The following LGALS9 variants were observed in gnomAD, a reference collection of about 807,000 sequenced individuals.
LGALS9 encodes galectin-9.
A neutral mutation model predicts 35.9 loss-of-function variants in LGALS9; 26 were observed. The observed-to-expected ratio is 0.72, with a 90% CI of 0.53 to 1.01. The LOEUF is 1.01. Among genes scored for constraint, LGALS9 ranks in the 50% least tolerant of loss-of-function variants. LGALS9 has a pLI of 0.00. For synonymous variants in LGALS9, 149 were observed against 172.2 expected, an observed-to-expected ratio of 0.87 and a Z score of 1.06; for missense variants, 347 against 445.8, an observed-to-expected ratio of 0.78 and a Z score of 1.99.
intron 2 of LGALS9, chr17:27,640,274 CA>C (rs1204107314): frequency 2.9e-5 from 13 of 451,796 alleles, no homozygotes; most frequent in African/African-American, 8.0e-5. Flanking sequence ...TCTTCGGTAT[CA>C]ATTGGTAATC....
At position 27,645,901 on chromosome 17, in the gene LGALS9, A is replaced by G. The variant is rs777419347; in HGVS notation, c.617A>G (p.Gln206Arg). Residue 206 changes from glutamine (Q) to arginine (R), a missense_variant, in exon 7 of 11, where the codon CAG becomes CGG. Physicochemically the swap from Gln to Arg is conservative, Grantham distance 43 (BLOSUM62 1). Coordinates refer to ENST00000395473, the MANE Select transcript of LGALS9 (RefSeq NM_009587.3). ...CACACAGTGCAGAGCGCCCCTGGAC[A>G]GATGTTCTCTGTAAGTCTACAAGTT... Reference protein sequence around the residue: ...VIHTVQSAPGQMFSTPAIPPM... With the variant: ...VIHTVQSAPGRMFSTPAIPPM... 6 of 1,595,434 alleles carry G rather than the reference A, an allele frequency of 3.8e-6. No individual in the cohort carries two copies. The highest frequency in any genetic ancestry group is 5.1e-6 in the Non-Finnish European group (6 of 1,167,344).
rs143800774 is a variant in LGALS9 at position 27,647,361 on chromosome 17, G to C, written c.850G>C (p.Asp284His). 6.2e-7 allele frequency: 1 copy of C among 1,614,170 alleles called. No homozygotes were observed. Among genetic ancestry groups the C allele is most frequent in the South Asian group, 1.1e-5 (1 of 91,082 alleles). Residue 284 changes from aspartate to histidine, a missense_variant, in exon 10 of 11, where the codon GAC becomes CAC. Transcript: ENST00000395473. Reference protein sequence around the residue: ...ENAVVRNTQIDNSWGSEERSL... With the variant: ...ENAVVRNTQIHNSWGSEERSL... The stretch of plus-strand genomic sequence containing the variant: ...TGCTGTGGTCCGCAACACCCAGATC[G>C]ACAACTCCTGGGGGTCTGAGGAGCG...
intron 4 of LGALS9, among the ~76,000 whole-genome samples, chr17:27,643,064 AAAAT>A (rs1904640791): frequency 1.3e-5 from 2 of 152,228 alleles, no homozygotes; most frequent in African/African-American, 2.4e-5. Flanking sequence ...ATAATAAAAT[AAAAT>A]AAATAAAACT....
intron 10 of LGALS9, among the ~76,000 whole-genome samples, chr17:27,648,602 A>T (rs559518855): frequency 6.6e-6 from 1 of 152,310 alleles, no homozygotes; most frequent in African/African-American, 2.4e-5. Flanking sequence ...GGCACAGGCC[A>T]GTGCTCCTGT....
chr17:27,647,597 C>T (rs1397406499), intron 10 of LGALS9, among the ~76,000 whole-genome samples, 165 bp downstream of exon 10: 2 of 149,810 alleles, frequency 1.3e-5, no homozygotes, highest in East Asian at 1.9e-4. Context: ...ATTACTGTCC[C>T]GCATGAAGGA....
At position 27,647,336 on chromosome 17, in the gene LGALS9, T is replaced by C. The variant is rs541663410; in HGVS notation, c.825T>C (p.Asn275=). Residue 275 remains asparagine (N), a synonymous_variant, in exon 10 of 11, where the codon AAT becomes AAC. Transcript: ENST00000395473. ...ACCTGAACCCCCGTTTTGATGAGAA[T>C]GCTGTGGTCCGCAACACCCAGATCG... ...AFHLNPRFDE[N]AVVRNTQIDN... is the part of the protein sequence containing the mutation. 25 of 1,614,160 alleles carry C rather than the reference T, an allele frequency of 1.5e-5. No homozygotes were observed. The African/African-American group carries it at 2.0e-4, about 13-fold the overall frequency.
chr17:27,636,678 G>C (rs1339553511), intron 1 of LGALS9, among the ~76,000 whole-genome samples: 1 of 151,872 alleles, frequency 6.6e-6, no homozygotes, highest in Non-Finnish European at 1.5e-5. Flanking sequence ...CCATTACGTT[G>C]TTCAGGCTGG....
chr17:27,642,522 C>G, intron 4 of LGALS9, 174 bp downstream of exon 4: 4 of 1,160,374 alleles, frequency 3.4e-6, no homozygotes, highest in Non-Finnish European at 4.8e-6. Context: ...TCACTCTGCC[C>G]CTCCTTCTGT....
At chr17:27,646,431 A>G (rs1904947016) in intron 7 of LGALS9, 116 bp from the exon 8 acceptor site, 2 of 1,523,222 alleles carry the variant, frequency 1.3e-6, no homozygotes, top group Admixed American at 1.7e-5. Flanking sequence ...CAAGGGCCAA[A>G]GGCTCACGAG....
intron 1 of LGALS9, among the ~76,000 whole-genome samples, chr17:27,636,025 C>T (rs1012301787): frequency 6.6e-6 from 1 of 152,142 alleles, no homozygotes; most frequent in African/African-American, 2.4e-5. Flanking sequence ...CAGACCTGAC[C>T]TGAGGGGCAA....
At chr17:27,646,261 C>T (rs1904932750) in intron 7 of LGALS9, among the ~76,000 whole-genome samples, 1 of 152,064 alleles carries the variant, frequency 6.6e-6, no homozygotes. Flanking sequence ...TGATCACAGG[C>T]TTAAGCTCTT....
intron 7 of LGALS9, 55 bp downstream of exon 7, chr17:27,645,966 A>T: frequency 6.2e-7 from 1 of 1,612,706 alleles, no homozygotes; most frequent in Non-Finnish European, 8.5e-7. Context: ...CCTTCACCAA[A>T]AACTAAACTC....
Position 27,644,621 on chromosome 17 carries a change from G to A in LGALS9, c.541-693G>A, listed in dbSNP as rs1421213705. 5 of 152,608 alleles carry A rather than the reference G, an allele frequency of 3.3e-5. No homozygotes were observed. In the East Asian group the frequency reaches 7.7e-4, roughly 24 times the overall value. The allele number at this position is 152,608 out of a possible 1,614,324, so 9.5% of individuals were successfully genotyped here. On this transcript the variant is annotated intron_variant, in intron 5 of 10. Coordinates refer to ENST00000395473, the MANE Select transcript of LGALS9 (RefSeq NM_009587.3). ...CAAGTAGTGGGGACTGGGAGGAGGG[G>A]CGCTTTGTCTACGCAGTCTTCTTAT...
chr17:27,631,427 C>T, intron 1 of LGALS9, 123 bp downstream of exon 1: 1 of 1,317,774 alleles, frequency 7.6e-7, no homozygotes, highest in Non-Finnish European at 1.1e-6. Context: ...AGAACACAAG[C>T]AGGGCAGAAA....
chr17:27,636,906 T>C (rs2074458347), intron 1 of LGALS9, among the ~76,000 whole-genome samples: 1 of 152,190 alleles, frequency 6.6e-6, no homozygotes. Flanking sequence ...CAGATGGCAA[T>C]CACTGCTTAG....
At position 27,649,162 on chromosome 17, in the gene LGALS9, T is replaced by A; in HGVS notation, c.*180T>A. 1 of 959,148 alleles carries A rather than the reference T, an allele frequency of 1.0e-6. No homozygotes were observed. The highest frequency in any genetic ancestry group is 1.5e-6 in the Non-Finnish European group (1 of 648,130). The allele number at this position is 959,148 out of a possible 1,614,324, so 59.4% of individuals were successfully genotyped here. ...GCCACCCTGGAACGGAGAAGGCAGC[T>A]GACGGGGATTGCCTTCCTCAGCCGC... On this transcript the variant is annotated 3_prime_UTR_variant, in exon 11 of 11. Transcript: ENST00000395473.
intron 10 of LGALS9, among the ~76,000 whole-genome samples, chr17:27,647,896 G>C (rs908743571): frequency 6.6e-6 from 1 of 152,258 alleles, no homozygotes; most frequent in African/African-American, 2.4e-5. Flanking sequence ...CACAGATAAC[G>C]ACAGTGCCAC....
chr17:27,649,155 A>C lies in LGALS9; in HGVS notation c.*173A>C, dbSNP rs1206234099. On this transcript the variant is annotated 3_prime_UTR_variant, in exon 11 of 11. Coordinates refer to ENST00000395473, the MANE Select transcript of LGALS9 (RefSeq NM_009587.3). ...GGCTACAGCCACCCTGGAACGGAGA[A>C]GGCAGCTGACGGGGATTGCCTTCCT... 2 of 1,060,306 alleles carry C rather than the reference A, an allele frequency of 1.9e-6. No individual in the cohort carries two copies. The highest frequency in any genetic ancestry group is 2.7e-5 in the Admixed American group (1 of 37,134). The allele number at this position is 1,060,306 out of a possible 1,614,324, so 65.7% of individuals were successfully genotyped here.
intron 10 of LGALS9, among the ~76,000 whole-genome samples, chr17:27,648,559 C>G (rs1187643631): frequency 6.6e-6 from 1 of 152,114 alleles, no homozygotes; most frequent in Non-Finnish European, 1.5e-5. Context: ...AGGCCCAGAG[C>G]ACTCCTGTGT....
Sources: gnomAD v4.1 joint callset for allele counts (sites outside exome capture counted in the v4.1 genomes callset) on GRCh38, gnomAD v4.1.1 for gene constraint, MANE v1.5 for transcripts, NCBI Gene and HGNC (gene_info 2026-07-23, HGNC 2026-07-21) for gene names.